The following CRYBA4 variants were observed in gnomAD, a reference collection of about 807,000 sequenced individuals.
CRYBA4 encodes the protein beta-crystallin A4.
A neutral mutation model predicts 31.7 loss-of-function variants in CRYBA4; 30 were observed. The ratio of observed to expected loss-of-function variants is 0.95; its 90% CI spans 0.71 to 1.28. The LOEUF (loss-of-function observed/expected upper bound fraction) is 1.28, where lower values mean the gene tolerates loss of function less well. Ranked by LOEUF, CRYBA4 falls within the 50% of genes most tolerant of loss-of-function variation. CRYBA4 has a pLI of 0.00. For missense variants in CRYBA4, 225 were observed against 260.7 expected (o/e 0.86, Z 0.94); for synonymous variants, 102 against 102.3 (o/e 1.00, Z 0.02).
the CRYBA4 span, among the ~76,000 whole-genome samples, chr22:26,605,713 C>A: frequency 7.1e-6 from 1 of 141,732 alleles, no homozygotes; most frequent in African/African-American, 2.6e-5. Context: ...AACAGGCCAA[C>A]CAAAATGTCT....
the CRYBA4 span, among the ~76,000 whole-genome samples, chr22:26,594,778 G>A: frequency 6.6e-6 from 1 of 152,186 alleles, no homozygotes; most frequent in South Asian, 2.1e-4. Context: ...TTGCCTTGGA[G>A]AAGCCCCCGA....
At chr22:26,619,387 A>C (rs765714031), upstream of CRYBA4, among the ~76,000 whole-genome samples, 1 of 152,206 alleles carries the variant, frequency 6.6e-6, no homozygotes, top group Non-Finnish European at 1.5e-5. Flanking sequence ...ACCGAGGCCC[A>C]GGTGGAACAA....
chr22:26,625,648 G>A (rs370024801), intron 4 of CRYBA4, 26 bp downstream of exon 4: 24 of 1,611,388 alleles, frequency 1.5e-5, no homozygotes, highest in Non-Finnish European at 1.9e-5. Flanking sequence ...GCTGCATCCC[G>A]GGGAGGCCCA....
At chr22:26,601,846 A>G in the CRYBA4 span, 1 of 1,611,410 alleles carries the variant, frequency 6.2e-7, no homozygotes, top group Non-Finnish European at 8.5e-7. Flanking sequence ...TGCTTGAAGC[A>G]GGGGACGCGG....
chr22:26,616,092 G>T, the CRYBA4 span: 25 of 1,448,010 alleles, frequency 1.7e-5, no homozygotes, highest in East Asian at 5.0e-4. Context: ...AGGAGGGAAG[G>T]AAGGAAAGAA....
intron 4 of CRYBA4, among the ~76,000 whole-genome samples, chr22:26,627,426 T>TTC (rs1431636604): frequency 5.7e-4 from 43 of 75,324 alleles, no homozygotes; most frequent in South Asian, 9.5e-4. Flanking sequence ...CTTTCTTTCT[T>TTC]TTTCTTTCTT....
At chr22:26,617,974 T>TA (rs1311959246), upstream of CRYBA4, 1 of 153,260 alleles carries the variant, frequency 6.5e-6, no homozygotes, top group Non-Finnish European at 1.5e-5. Flanking sequence ...GGTTCCCTCT[T>TA]ACCTGGGGAC....
At chr22:26,600,819 C>G in the CRYBA4 span, among the ~76,000 whole-genome samples, 2 of 152,186 alleles carry the variant, frequency 1.3e-5, no homozygotes, top group Non-Finnish European at 2.9e-5. Flanking sequence ...TTTGACCTGC[C>G]CTCTGCCCTA....
the CRYBA4 span, chr22:26,608,070 G>T: frequency 6.2e-7 from 1 of 1,613,504 alleles, no homozygotes; most frequent in Non-Finnish European, 8.5e-7. Flanking sequence ...ATGGTTAGTA[G>T]AAGCCCCCAC....
In CRYBA4 at chr22:26,630,478, C is replaced by G; in HGVS notation, c.582C>G (p.Ile194Met). 6.2e-7 allele frequency: 1 copy of G among 1,613,566 alleles called. No individual in the cohort carries two copies. The highest frequency in any genetic ancestry group is 1.3e-5 in the African/African-American group (1 of 75,076). ...TCCAGGTGCAGAGCATCCGCAGGATCCAGCAGTGAACAGGGGTGCGGCACG... is the reference window on the plus strand; with the variant it reads ...TCCAGGTGCAGAGCATCCGCAGGATGCAGCAGTGAACAGGGGTGCGGCACG... ...PTFQVQSIRR[I>M]QQ The change falls in exon 6 of 6, where the codon ATC becomes ATG. Residue 194 changes from isoleucine (I) to methionine (M), a missense_variant. Coordinates refer to ENST00000354760, the MANE Select transcript of CRYBA4 (RefSeq NM_001886.3).
the CRYBA4 span, among the ~76,000 whole-genome samples, chr22:26,607,112 T>C: frequency 2.0e-5 from 3 of 146,508 alleles, no homozygotes; most frequent in African/African-American, 7.6e-5. Context: ...AACCTCTGGC[T>C]CCCGGGTTCA....
chr22:26,615,315 T>G, the CRYBA4 span, among the ~76,000 whole-genome samples: 1 of 152,158 alleles, frequency 6.6e-6, no homozygotes, highest in Non-Finnish European at 1.5e-5. Flanking sequence ...GCTGCCCCAG[T>G]GAGCCTCCAA....
the CRYBA4 span, among the ~76,000 whole-genome samples, chr22:26,590,789 C>CA: frequency 4.6e-5 from 7 of 152,006 alleles, no homozygotes; most frequent in Non-Finnish European, 7.4e-5. Flanking sequence ...AAAAACCCTG[C>CA]AAAAAATGCC....
At chr22:26,608,115 A>G in the CRYBA4 span, 1 of 1,591,668 alleles carries the variant, frequency 6.3e-7, no homozygotes, top group South Asian at 1.1e-5. Flanking sequence ...CTGGCAAGGC[A>G]GCCCTGAGGA....
chr22:26,620,611 G>T (rs1384266385), upstream of CRYBA4, among the ~76,000 whole-genome samples: 1 of 140,468 alleles, frequency 7.1e-6, no homozygotes, highest in African/African-American at 2.7e-5. Context: ...GTCACCCAGG[G>T]TCAAGAGAAA....
chr22:26,624,081 T>C (rs1948616923), intron 3 of CRYBA4, among the ~76,000 whole-genome samples: 1 of 152,250 alleles, frequency 6.6e-6, no homozygotes, highest in Non-Finnish European at 1.5e-5. Flanking sequence ...TAGAAGGTTC[T>C]AGAAGGTTGG....
intron 1 of CRYBA4, 22 bp from the exon 2 acceptor site, chr22:26,622,563 A>G (rs752723818): frequency 1.2e-6 from 2 of 1,607,884 alleles, no homozygotes; most frequent in East Asian, 4.5e-5. Context: ...GTGGAAGATT[A>G]TAATGTTCTT....
chr22:26,602,772 T>C, the CRYBA4 span, among the ~76,000 whole-genome samples: 6 of 152,194 alleles, frequency 3.9e-5, no homozygotes, highest in South Asian at 1.2e-3. Context: ...CTTTTGTAAA[T>C]GCTTCTTACA....
chr22:26,614,655 G>T, the CRYBA4 span, among the ~76,000 whole-genome samples: 1 of 152,096 alleles, frequency 6.6e-6, no homozygotes. Flanking sequence ...AAAGTACAAA[G>T]AAAAGCCCAG....
Sources: gnomAD v4.1 joint callset for allele counts (sites outside exome capture counted in the v4.1 genomes callset) on GRCh38, gnomAD v4.1.1 for gene constraint, MANE v1.5 for transcripts, NCBI Gene and HGNC (gene_info 2026-07-23, HGNC 2026-07-21) for gene names.